HFM1: variants seen among roughly 807,000 people sequenced by gnomAD.
HFM1 encodes the protein helicase for meiosis 1.
A neutral mutation model predicts 192.1 loss-of-function variants in HFM1; 169 were observed. The observed-to-expected ratio is 0.88, with a 90% CI of 0.78 to 1.00. The LOEUF is 1.00. HFM1 is among the 50% of genes least tolerant of loss of function. The pLI, the probability that HFM1 is intolerant of heterozygous loss-of-function variation, is 0.00. For missense variants in HFM1, 1,661 were observed against 1,668.0 expected (o/e 1.00, Z 0.07); for synonymous variants, 525 against 537.8 (o/e 0.98, Z 0.33).
intron 18 of HFM1, among the ~76,000 whole-genome samples, chr1:91,349,002 A>G (rs1656558136): frequency 1.3e-5 from 2 of 149,294 alleles, no homozygotes; most frequent in Admixed American, 6.7e-5. Context: ...AAAATATGCC[A>G]CAAGGCCAGG....
At chr1:91,277,985 A>T (rs1224538571) in intron 30 of HFM1, among the ~76,000 whole-genome samples, 1 of 142,196 alleles carries the variant, frequency 7.0e-6, no homozygotes, top group South Asian at 2.1e-4. Context: ...TATTATATAT[A>T]TATAAAATAG....
chr1:91,338,905 G>A (rs1557873582), intron 20 of HFM1: 2 of 455,756 alleles, frequency 4.4e-6, no homozygotes, highest in East Asian at 1.4e-4. Flanking sequence ...AAGTGTGATT[G>A]CCAGTGAACC....
chr1:91,313,063 C>T (rs1462194716), intron 30 of HFM1, among the ~76,000 whole-genome samples: 1 of 152,110 alleles, frequency 6.6e-6, no homozygotes, highest in Non-Finnish European at 1.5e-5. Context: ...CCAATTAAAC[C>T]TCTTTTTCTT....
At chr1:91,317,309 G>T (rs1231619761) in intron 25 of HFM1, among the ~76,000 whole-genome samples, 1 of 152,166 alleles carries the variant, frequency 6.6e-6, no homozygotes, top group Non-Finnish European at 1.5e-5. Flanking sequence ...AGCTACTCAG[G>T]AGGCTGAGGC....
rs1455252695 is a variant in HFM1, at chr1:91,375,675, T to C, written c.1448A>G (p.Asp483Gly). 3 of 1,613,248 alleles carry C rather than the reference T, an allele frequency of 1.9e-6. No homozygotes were observed. Among genetic ancestry groups the C allele is most frequent in the Non-Finnish European group, 2.5e-6 (3 of 1,179,530 alleles). The change falls in exon 12 of 39, where the codon GAT (aspartate) becomes GGT (glycine). Residue 483 changes from aspartate (D) to glycine (G), a missense_variant. By Grantham distance (94) the Asp-to-Gly change is moderately conservative (BLOSUM62 -1). Transcript: ENST00000370425. ...AAGTTTCACTGGTCTATGGCTCTCATCCATTTTCAGACACACAGCTGGTCT... is the reference window on the plus strand; with the variant it reads ...AAGTTTCACTGGTCTATGGCTCTCACCCATTTTCAGACACACAGCTGGTCT... ...GERPAVCLKM[D>G]ESHRPVKLQK...
At chr1:91,293,144 C>G (rs1370682017) in intron 30 of HFM1, among the ~76,000 whole-genome samples, 1 of 152,142 alleles carries the variant, frequency 6.6e-6, no homozygotes. Flanking sequence ...TAGGCATGGG[C>G]AAGGGCTTCA....
rs1570717600 is a variant in HFM1, at chr1:91,267,817, A to C, written c.3811T>G (p.Trp1271Gly). ...AAGTTTTCATCATCAAAATCATCCC[A>C]AACTTCATTTCCCAATTCAAAGTTC... Reference protein sequence around the residue: ...NVNFELGNEVWDDFDDENLEV... With the variant: ...NVNFELGNEVGDDFDDENLEV... The change falls in exon 35 of 39, where the codon TGG (tryptophan) becomes GGG (glycine). Residue 1271 changes from tryptophan to glycine, a missense_variant. Transcript: ENST00000370425. The C allele has an allele frequency of 6.3e-7, 1 of 1,582,112 alleles. No individual in the cohort carries two copies. The highest frequency in any genetic ancestry group is 8.6e-7 in the Non-Finnish European group (1 of 1,168,746).
chr1:91,399,300 TAGAGAG>T (rs930267751), intron 2 of HFM1, among the ~76,000 whole-genome samples: 14 of 152,092 alleles, frequency 9.2e-5, no homozygotes, highest in African/African-American at 3.4e-4. Flanking sequence ...AGATAGATAA[TAGAGAG>T]AAACAGATAA....
At chr1:91,331,545 AT>A (rs1653820607) in intron 20 of HFM1, among the ~76,000 whole-genome samples, 1 of 152,196 alleles carries the variant, frequency 6.6e-6, no homozygotes, top group Non-Finnish European at 1.5e-5. Flanking sequence ...AATAGCCACA[AT>A]TAAAATTAAA....
intron 13 of HFM1, among the ~76,000 whole-genome samples, chr1:91,356,883 C>A (rs184986359): frequency 6.6e-6 from 1 of 152,032 alleles, no homozygotes; most frequent in Admixed American, 6.6e-5. Context: ...TAGAAAAATA[C>A]AACCTGCTAA....
At chr1:91,271,423 T>G (rs1008823691) in intron 34 of HFM1, among the ~76,000 whole-genome samples, 1 of 152,170 alleles carries the variant, frequency 6.6e-6, no homozygotes, top group African/African-American at 2.4e-5. Context: ...GTTCCTTTTC[T>G]TGTGCTTAAG....
chr1:91,264,561 G>C (rs1665549390), intron 36 of HFM1, among the ~76,000 whole-genome samples: 1 of 149,780 alleles, frequency 6.7e-6, no homozygotes, highest in Non-Finnish European at 1.5e-5. Context: ...TTTTAGTAGA[G>C]ACGGGGTTTC....
Position 91,404,803 on chromosome 1 carries a change from T to C in HFM1, c.-33A>G. ...GTCCGGGCCCCTCTCCTCACCTCCC[T>C]GCGGACAGCTCCTAGGCCAGTCGAG... On this transcript the variant is annotated 5_prime_UTR_variant, in exon 1 of 39. Coordinates refer to ENST00000370425, the MANE Select transcript of HFM1 (RefSeq NM_001017975.6). 2.2e-6 allele frequency: 1 copy of C among 453,264 alleles called. No homozygotes were observed. The highest frequency in any genetic ancestry group is 7.2e-5 in the East Asian group (1 of 13,968). 28.1% of individuals were successfully genotyped at this position (453,264 alleles called of 1,614,324 possible). A position where few individuals can be genotyped will look rare whatever the true frequency, so the allele number is the denominator to read the frequency against.
chr1:91,334,341 T>G (rs561459759), intron 20 of HFM1, among the ~76,000 whole-genome samples: 1 of 152,276 alleles, frequency 6.6e-6, no homozygotes, highest in East Asian at 1.9e-4. Context: ...CAATTAAAAA[T>G]GGATATATAG....
chr1:91,290,849 A>C (rs1379480944), intron 30 of HFM1, among the ~76,000 whole-genome samples: 1 of 152,102 alleles, frequency 6.6e-6, no homozygotes, highest in African/African-American at 2.4e-5. Flanking sequence ...ATAACAAACT[A>C]TCTCTCAGAC....
At chr1:91,276,868 T>C in intron 31 of HFM1, 114 bp downstream of exon 31, 1 of 802,104 alleles carries the variant, frequency 1.2e-6, no homozygotes, top group South Asian at 1.9e-5. Context: ...AGAAAATTAT[T>C]TGCATTATTA....
intron 30 of HFM1, among the ~76,000 whole-genome samples, chr1:91,281,059 C>G (rs1373700794): frequency 6.6e-6 from 1 of 152,140 alleles, no homozygotes; most frequent in Non-Finnish European, 1.5e-5. Flanking sequence ...ACAATCAGAT[C>G]TGCATTGTGA....
intron 2 of HFM1, among the ~76,000 whole-genome samples, chr1:91,397,865 A>G (rs759806588): frequency 6.6e-5 from 10 of 152,212 alleles, no homozygotes; most frequent in Non-Finnish European, 1.0e-4. Context: ...GACAATACCC[A>G]TGAAATGTTG....
intron 34 of HFM1, among the ~76,000 whole-genome samples, chr1:91,271,027 C>T (rs891464106): frequency 4.6e-5 from 7 of 152,058 alleles, no homozygotes; most frequent in African/African-American, 1.7e-4. Flanking sequence ...CCCTCCCTTT[C>T]CTTTGAGGAA....
Sources: allele counts gnomAD v4.1 joint callset (sites outside exome capture counted in the v4.1 genomes callset), GRCh38; gene constraint gnomAD v4.1.1; transcripts MANE v1.5; gene names NCBI Gene and HGNC (gene_info 2026-07-23, HGNC 2026-07-21).